Variants in SMYD3 observed in about 807,000 individuals in gnomAD.
SMYD3 encodes the protein SET and MYND domain containing 3, also known as histone-lysine N-methyltransferase SMYD3.
In SMYD3, 36 loss-of-function variants were observed where a neutral mutation model predicts 57.7. That is an observed-to-expected ratio of 0.62 (90% CI 0.48 to 0.82). The LOEUF (loss-of-function observed/expected upper bound fraction) is 0.82. Among genes scored for constraint, SMYD3 ranks in the 40% least tolerant of loss-of-function variants. SMYD3 has a pLI of 0.00. For missense variants in SMYD3, 515 were observed against 538.8 expected, an observed-to-expected ratio of 0.96 and a Z score of 0.44; for synonymous variants, 211 against 195.0, an observed-to-expected ratio of 1.08 and a Z score of -0.68.
intron 5 of SMYD3, among the ~76,000 whole-genome samples, chr1:246,271,754 T>C (rs1467538220): frequency 1.3e-5 from 2 of 152,236 alleles, no homozygotes; most frequent in African/African-American, 4.8e-5. Context: ...ATGTTATTTT[T>C]CAAGATAACT....
intron 5 of SMYD3, among the ~76,000 whole-genome samples, chr1:246,059,907 C>T (rs904770315): frequency 6.6e-6 from 1 of 152,080 alleles, no homozygotes; most frequent in Admixed American, 6.5e-5. Flanking sequence ...ATAGAGAAGA[C>T]AGTACAGAAT....
intron 1 of SMYD3, among the ~76,000 whole-genome samples, chr1:246,362,036 A>T (rs2065995989): frequency 6.6e-6 from 1 of 152,160 alleles, no homozygotes; most frequent in South Asian, 2.1e-4. Context: ...ATGCTGTGGT[A>T]CGCACCCCCA....
At chr1:246,002,287 C>T (rs900969976) in intron 5 of SMYD3, among the ~76,000 whole-genome samples, 1 of 122,278 alleles carries the variant, frequency 8.2e-6, no homozygotes, top group African/African-American at 2.8e-5. Context: ...CGGGTTCACG[C>T]CATTCTCCTG....
intron 1 of SMYD3, among the ~76,000 whole-genome samples, chr1:246,391,740 G>T (rs1376521052): frequency 6.6e-6 from 1 of 152,118 alleles, no homozygotes; most frequent in Non-Finnish European, 1.5e-5. Context: ...GTAAAAAGGA[G>T]AGAGGGAAGA....
intron 5 of SMYD3, among the ~76,000 whole-genome samples, chr1:246,151,929 T>C (rs1046697561): frequency 9.9e-5 from 15 of 152,108 alleles, no homozygotes; most frequent in Non-Finnish European, 1.3e-4. Flanking sequence ...AATGGAGAAA[T>C]AGAAGAAGGA....
intron 1 of SMYD3, among the ~76,000 whole-genome samples, chr1:246,448,192 G>C (rs1044333889): frequency 3.9e-5 from 6 of 152,176 alleles, no homozygotes; most frequent in Non-Finnish European, 7.3e-5. Context: ...ACTCCAGCTA[G>C]GGAAACAGAG....
chr1:246,009,595 A>G (rs2059241310), intron 5 of SMYD3, among the ~76,000 whole-genome samples: 1 of 3,122 alleles, frequency 3.2e-4, no homozygotes, highest in South Asian at 0.033. Flanking sequence ...AGTGGAAAGA[A>G]TATTAGATTC....
At chr1:246,380,823 T>C (rs77324964) in intron 1 of SMYD3, among the ~76,000 whole-genome samples, 9,079 of 152,250 alleles carry the variant, frequency 0.06, 327 homozygotes, top group African/African-American at 0.075. Flanking sequence ...TAATAGTTAC[T>C]GTGCTGGGGT....
rs563357860 is a variant in SMYD3, at chr1:246,458,154, G to A, written c.164+48900C>T. Among the ~76,000 whole-genome samples, 11 of 152,140 alleles carry A rather than the reference G, an allele frequency of 7.2e-5. No homozygotes were observed. The South Asian group carries it at 1.4e-3, about 20-fold the overall frequency. ...TTCCCTGATGGCAGGTCACAGCTGTGGGCACCCGAGGGTCAGGCTACAAGG... is the reference window on the plus strand; with the variant it reads ...TTCCCTGATGGCAGGTCACAGCTGTAGGCACCCGAGGGTCAGGCTACAAGG... On this transcript the variant is annotated intron_variant, in intron 1 of 11. Transcript: ENST00000490107.
intron 5 of SMYD3, among the ~76,000 whole-genome samples, chr1:246,152,741 T>A (rs191752351): frequency 7.1e-6 from 1 of 141,018 alleles, no homozygotes; most frequent in Admixed American, 7.1e-5. Context: ...GGAATTAACA[T>A]TACGTATTTT....
chr1:246,363,501 C>T lies in SMYD3; in HGVS notation c.165-8407G>A, dbSNP rs1157215899. 6.2e-3 allele frequency among the ~76,000 whole-genome samples: 935 copies of T among 151,916 alleles called. 9 individuals carry two copies. The highest frequency in any genetic ancestry group is 0.021 in the African/African-American group (866 of 41,208). ...AAAAGGGGGAAAGGTGGGGAAAAAA[C>T]TGAGAAATCGGATGGTTGCCGTGTC... On this transcript the variant is annotated intron_variant, in intron 1 of 11. Coordinates refer to ENST00000490107, the MANE Select transcript of SMYD3 (RefSeq NM_001167740.2).
At chr1:246,247,598 T>C (rs12402387) in intron 5 of SMYD3, among the ~76,000 whole-genome samples, 2,095 of 151,568 alleles carry the variant, frequency 0.014, 45 homozygotes, top group African/African-American at 0.047. Flanking sequence ...TTCTCTTTTT[T>C]CCGCACTCTG....
chr1:246,235,652 G>A (rs1297460278), intron 5 of SMYD3, among the ~76,000 whole-genome samples: 6 of 152,036 alleles, frequency 3.9e-5, no homozygotes, highest in Admixed American at 1.3e-4. Context: ...GCAGCATTCC[G>A]CATGCCCCAC....
intron 5 of SMYD3, among the ~76,000 whole-genome samples, chr1:246,194,042 T>G (rs947174660): frequency 6.6e-6 from 1 of 152,222 alleles, no homozygotes; most frequent in Non-Finnish European, 1.5e-5. Flanking sequence ...AGAGGTACGC[T>G]GTTTTTATGT....
At chr1:246,049,496 G>A (rs12044925) in intron 5 of SMYD3, among the ~76,000 whole-genome samples, 2,938 of 150,758 alleles carry the variant, frequency 0.019, 137 homozygotes, top group East Asian at 0.16. Context: ...TAGTAGAGAC[G>A]GGGTTTCACC....
chr1:245,922,761 C>A (rs1181842803), intron 7 of SMYD3, among the ~76,000 whole-genome samples: 2 of 152,176 alleles, frequency 1.3e-5, no homozygotes, highest in African/African-American at 2.4e-5. Context: ...GAGAATGAAG[C>A]TTTATTACTA....
chr1:245,759,814 T>C (rs1039772470), intron 11 of SMYD3, among the ~76,000 whole-genome samples: 1 of 152,156 alleles, frequency 6.6e-6, no homozygotes, highest in African/African-American at 2.4e-5. Context: ...AAGTCTAACT[T>C]TTGCAACCAG....
chr1:245,775,780 A>G (rs952324623), intron 10 of SMYD3, among the ~76,000 whole-genome samples: 2 of 152,162 alleles, frequency 1.3e-5, no homozygotes, highest in African/African-American at 4.8e-5. Flanking sequence ...GTCTCTCAAT[A>G]AATCTCTTAA....
intron 5 of SMYD3, among the ~76,000 whole-genome samples, chr1:246,040,410 C>T (rs2059848426): frequency 6.6e-6 from 1 of 152,174 alleles, no homozygotes; most frequent in South Asian, 2.1e-4. Context: ...GAAAATGTGA[C>T]CTTGGGCTCA....
Sources: gnomAD v4.1 joint callset for allele counts (sites outside exome capture counted in the v4.1 genomes callset) on GRCh38, gnomAD v4.1.1 for gene constraint, MANE v1.5 for transcripts, NCBI Gene and HGNC (gene_info 2026-07-23, HGNC 2026-07-21) for gene names.